The following XNDC1N variants were observed in gnomAD, a reference collection of about 807,000 sequenced individuals.
The protein encoded by XNDC1N is XRCC1 N-terminal domain containing 1, N-terminal like.
the XNDC1N span, among the ~76,000 whole-genome samples, chr11:71,919,752 G>A: frequency 1.3e-5 from 2 of 150,546 alleles, no homozygotes; most frequent in South Asian, 4.2e-4. Flanking sequence ...CGAGTAGCTG[G>A]GACTACAGGC....
At chr11:71,919,597 C>A in the XNDC1N span, among the ~76,000 whole-genome samples, 1 of 143,168 alleles carries the variant, frequency 7.0e-6, no homozygotes. Flanking sequence ...CCCATTTTGG[C>A]CAGGTTGGTT....
chr11:71,899,545 G>A, the XNDC1N span, among the ~76,000 whole-genome samples: 1 of 152,356 alleles, frequency 6.6e-6, no homozygotes, highest in East Asian at 1.9e-4. Context: ...AACATGTGTT[G>A]TATGAAATCA....
the XNDC1N span, among the ~76,000 whole-genome samples, chr11:71,927,282 C>A: frequency 6.6e-6 from 1 of 151,908 alleles, no homozygotes; most frequent in Non-Finnish European, 1.5e-5. Context: ...ACCTGTAATC[C>A]CAGCACTTTG....
chr11:71,899,895 A>G, the XNDC1N span, among the ~76,000 whole-genome samples: 1 of 147,292 alleles, frequency 6.8e-6, no homozygotes, highest in Non-Finnish European at 1.5e-5. Context: ...CCCCTGGGAA[A>G]TGAATGTCTC....
the XNDC1N span, among the ~76,000 whole-genome samples, chr11:71,895,475 A>ATTTTTTTTTTT: frequency 2.8e-4 from 28 of 98,362 alleles, no homozygotes; most frequent in Non-Finnish European, 3.6e-4. Context: ...ATGCCTGGCT[A>ATTTTTTTTTTT]TTTTTTTTTT....
the XNDC1N span, among the ~76,000 whole-genome samples, chr11:71,883,022 A>G: frequency 6.6e-6 from 1 of 152,234 alleles, no homozygotes; most frequent in Admixed American, 6.5e-5. Flanking sequence ...AAGATATTTA[A>G]GAATAAACTT....
At chr11:71,865,838 T>TA in the XNDC1N span, 1 of 449,550 alleles carries the variant, frequency 2.2e-6, no homozygotes, top group African/African-American at 2.1e-5. Context: ...CTCTTGCCTC[T>TA]AAAACATTTC....
At chr11:71,897,697 G>C in the XNDC1N span, among the ~76,000 whole-genome samples, 88 of 152,346 alleles carry the variant, frequency 5.8e-4, no homozygotes, top group African/African-American at 2.0e-3. Context: ...TGTTCCCGCA[G>C]TTGCATTTGT....
the XNDC1N span, among the ~76,000 whole-genome samples, chr11:71,910,808 T>A: frequency 6.6e-6 from 1 of 152,172 alleles, no homozygotes; most frequent in Non-Finnish European, 1.5e-5. Flanking sequence ...TTTTGTAGAC[T>A]GTGGATCCCA....
chr11:71,901,540 G>A, the XNDC1N span, among the ~76,000 whole-genome samples: 2 of 151,940 alleles, frequency 1.3e-5, no homozygotes, highest in Non-Finnish European at 2.9e-5. Flanking sequence ...CAGAGGTTGC[G>A]GTGAGCTGAG....
chr11:71,878,311 C>G, the XNDC1N span: 1 of 825,766 alleles, frequency 1.2e-6, no homozygotes, highest in Non-Finnish European at 1.9e-6. Context: ...GATATAAAAT[C>G]TCATTGAAAC....
chr11:71,908,959 G>T, the XNDC1N span, among the ~76,000 whole-genome samples: 2 of 152,164 alleles, frequency 1.3e-5, no homozygotes, highest in Admixed American at 1.3e-4. Flanking sequence ...GGATTAATGA[G>T]GGGAGCTCAG....
the XNDC1N span, chr11:71,894,303 C>T: frequency 3.9e-5 from 16 of 409,790 alleles, no homozygotes; most frequent in East Asian, 1.9e-4. Flanking sequence ...CAGTGATGTA[C>T]GCTGTGGTCA....
chr11:71,892,495 A>C, the XNDC1N span, among the ~76,000 whole-genome samples: 1 of 151,846 alleles, frequency 6.6e-6, no homozygotes, highest in African/African-American at 2.4e-5. Context: ...TATTAGGAGC[A>C]ATATCTTTCT....
the XNDC1N span, among the ~76,000 whole-genome samples, chr11:71,888,360 C>T: frequency 6.6e-6 from 1 of 152,096 alleles, no homozygotes; most frequent in African/African-American, 2.4e-5. Context: ...GACTATGGAT[C>T]CCAAACTTTG....
At chr11:71,907,479 G>A in the XNDC1N span, among the ~76,000 whole-genome samples, 104 of 9,766 alleles carry the variant, frequency 0.011, 2 homozygotes, top group Non-Finnish European at 0.12. Context: ...TGCCCCCCCT[G>A]GCTCTTAGGA....
chr11:71,912,953 C>G, the XNDC1N span, among the ~76,000 whole-genome samples: 1 of 152,112 alleles, frequency 6.6e-6, no homozygotes, highest in African/African-American at 2.4e-5. Context: ...GGTGTACTGC[C>G]TCTGTGATAT....
the XNDC1N span, among the ~76,000 whole-genome samples, chr11:71,868,633 G>A: frequency 1.3e-5 from 2 of 152,140 alleles, no homozygotes; most frequent in Non-Finnish European, 2.9e-5. Flanking sequence ...TTATAGAGTT[G>A]CAGCTTAACA....
chr11:71,865,877 T>C, the XNDC1N span: 17 of 444,614 alleles, frequency 3.8e-5, no homozygotes, highest in African/African-American at 1.5e-4. Flanking sequence ...AATAAGTAAA[T>C]AAACAAACAA....
Sources: gnomAD v4.1 joint callset for allele counts (sites outside exome capture counted in the v4.1 genomes callset) on GRCh38, gnomAD v4.1.1 for gene constraint, MANE v1.5 for transcripts, NCBI Gene and HGNC (gene_info 2026-07-23, HGNC 2026-07-21) for gene names.